INTS3: variants seen among roughly 807,000 people sequenced by gnomAD.
INTS3 encodes integrator complex subunit 3, also known as SOSS complex subunit A.
In INTS3, 34 loss-of-function variants were observed where a neutral mutation model predicts 146.3. The ratio of observed to expected loss-of-function variants is 0.23; its 90% CI spans 0.18 to 0.31. The LOEUF (loss-of-function observed/expected upper bound fraction) is 0.31, where lower values mean the gene tolerates loss of function less well. Among genes scored for constraint, INTS3 ranks in the 10% least tolerant of loss-of-function variants. The pLI, the probability that INTS3 is intolerant of heterozygous loss-of-function variation, is 1.00. For synonymous variants in INTS3, 475 were observed against 494.9 expected (o/e 0.96, Z 0.53); for missense variants, 757 against 1,304.2 (o/e 0.58, Z 6.46).
At chr1:153,744,994 C>T (rs575933873) in intron 3 of INTS3, among the ~76,000 whole-genome samples, 1 of 151,976 alleles carries the variant, frequency 6.6e-6, no homozygotes, top group East Asian at 1.9e-4. Context: ...TTTAAGCTCT[C>T]CATGCCTATT....
chr1:153,764,622 A>C, intron 18 of INTS3, 68 bp from the exon 19 acceptor site: 1 of 1,166,066 alleles, frequency 8.6e-7, no homozygotes, highest in Non-Finnish European at 1.3e-6. Context: ...TCTAGCCTCC[A>C]GCTGGTCCTC....
chr1:153,764,891 A>G, intron 19 of INTS3, 53 bp from the exon 20 acceptor site: 1 of 1,611,848 alleles, frequency 6.2e-7, no homozygotes, highest in Non-Finnish European at 8.5e-7. Flanking sequence ...ACTCCATGGG[A>G]GAGTCTGCCC....
rs928846256 is a variant in INTS3, at chr1:153,749,576, C to T, written c.584+821C>T. Reference sequence around the variant, plus strand: ...CCCAGGTCTGAGAGCCCTGCCCTGTCTGCTGTGCAGTGCCACCTAGTGCTC... The same window carrying T: ...CCCAGGTCTGAGAGCCCTGCCCTGTTTGCTGTGCAGTGCCACCTAGTGCTC... On this transcript the variant is annotated intron_variant, in intron 6 of 29. Coordinates refer to ENST00000318967, the MANE Select transcript of INTS3 (RefSeq NM_023015.5). Among the ~76,000 whole-genome samples the T allele has an allele frequency of 3.9e-5, 6 of 152,348 alleles. No individual in the cohort carries two copies. In the South Asian group the frequency reaches 1.2e-3, roughly 32 times the overall value.
At chr1:153,732,457 T>A (rs1671106440) in intron 1 of INTS3, among the ~76,000 whole-genome samples, 1 of 152,062 alleles carries the variant, frequency 6.6e-6, no homozygotes, top group Non-Finnish European at 1.5e-5. Context: ...ATTTTTTTTT[T>A]TTTTTTAAAC....
At chr1:153,731,072 G>C (rs1377427304) in intron 1 of INTS3, among the ~76,000 whole-genome samples, 1 of 152,052 alleles carries the variant, frequency 6.6e-6, no homozygotes, top group Non-Finnish European at 1.5e-5. Flanking sequence ...GACCATATAT[G>C]CTTACTGTGT....
In INTS3 at chr1:153,771,802, C is replaced by T. The variant is rs770825331; in HGVS notation, c.2559C>T (p.Ser853=). ...TGCCCCCTTCCTCCCCCAGGCCCAGCGAGGAGATGGTGAAGATGGTGCTGA... is the reference window on the plus strand; with the variant it reads ...TGCCCCCTTCCTCCCCCAGGCCCAGTGAGGAGATGGTGAAGATGGTGCTGA... ...LLLQLRREKP[S]EEMVKMVLSR... is the part of the protein sequence containing the mutation. Residue 853 remains serine (S), a synonymous_variant, in exon 26 of 30, where the codon AGC becomes AGT. Coordinates refer to ENST00000318967, the MANE Select transcript of INTS3 (RefSeq NM_023015.5). 6.2e-6 allele frequency: 10 copies of T among 1,610,940 alleles called. No homozygotes were observed. The East Asian group carries it at 8.9e-5, about 14-fold the overall frequency.
At chr1:153,751,406 A>G (rs1671952942) in intron 7 of INTS3, among the ~76,000 whole-genome samples, 167 bp downstream of exon 7, 1 of 152,156 alleles carries the variant, frequency 6.6e-6, no homozygotes, top group African/African-American at 2.4e-5. Context: ...AGGGGGAGTT[A>G]GTGTAAAATA....
rs138825529 is a variant in INTS3 at position 153,764,995 on chromosome 1, C to T, written c.2022C>T (p.Asp674=). ...ACAGCAGCTTCTCTCTACTTCTAGA[C>T]CTTCTCTCCGAGCTATATCAGAAGC... ...EDNSSFSLLL[D]LLSELYQKQP... is the part of the protein sequence containing the mutation. Residue 674 remains aspartate (D), a synonymous_variant, in exon 20 of 30, where the codon GAC becomes GAT. Coordinates refer to ENST00000318967, the MANE Select transcript of INTS3 (RefSeq NM_023015.5). 13 of 1,614,054 alleles carry T rather than the reference C, an allele frequency of 8.1e-6. No individual in the cohort carries two copies. The highest frequency in any genetic ancestry group is 1.0e-5 in the Non-Finnish European group (12 of 1,179,904).
intron 3 of INTS3, among the ~76,000 whole-genome samples, chr1:153,745,046 A>G (rs1671673520): frequency 6.6e-6 from 1 of 152,110 alleles, no homozygotes; most frequent in African/African-American, 2.4e-5. Flanking sequence ...GTACTATTTT[A>G]AAAGGTTGTT....
intron 22 of INTS3, 46 bp from the exon 23 acceptor site, chr1:153,769,723 C>T (rs777586852): frequency 7.5e-7 from 1 of 1,326,608 alleles, no homozygotes; most frequent in Non-Finnish European, 1.1e-6. Flanking sequence ...GCTTCCTGGC[C>T]CCTTTCAGAG....
At chr1:153,748,907 G>T (rs1247483292) in intron 6 of INTS3, 152 bp downstream of exon 6, 2 of 696,862 alleles carry the variant, frequency 2.9e-6, no homozygotes, top group Non-Finnish European at 5.1e-6. Context: ...TGTATTGTTG[G>T]CAAGTGAAGA....
intron 1 of INTS3, among the ~76,000 whole-genome samples, chr1:153,733,827 TCTC>T (rs1268860990): frequency 6.6e-6 from 1 of 151,000 alleles, no homozygotes; most frequent in Non-Finnish European, 1.5e-5. Context: ...CTGCTCTCGA[TCTC>T]CTAACCTCGT....
At chr1:153,746,350 G>T (rs972866233) in intron 3 of INTS3, among the ~76,000 whole-genome samples, 1 of 152,168 alleles carries the variant, frequency 6.6e-6, no homozygotes, top group Non-Finnish European at 1.5e-5. Context: ...TGGGAAGTGG[G>T]GGGGACAGGG....
chr1:153,764,832 G>C, intron 19 of INTS3, 98 bp downstream of exon 19: 1 of 1,541,152 alleles, frequency 6.5e-7, no homozygotes, highest in African/African-American at 1.4e-5. Flanking sequence ...TCGCTTTCCA[G>C]GGAGGAGGAC....
At position 153,773,232 on chromosome 1, in the gene INTS3, C is replaced by G; in HGVS notation, c.3091C>G (p.Arg1031Gly). 6.2e-7 allele frequency: 1 copy of G among 1,614,092 alleles called. No individual in the cohort carries two copies. The highest frequency in any genetic ancestry group is 8.5e-7 in the Non-Finnish European group (1 of 1,180,030). Residue 1031 changes from arginine (R) to glycine (G), a missense_variant, in exon 30 of 30, where the codon CGA becomes GGA. Arg to Gly is a moderately radical substitution (Grantham distance 125). Around this residue, in one of 8 missense-constraint regions of INTS3, gnomAD observed 125 missense variants for 165.6 expected, o/e 0.75. Transcript: ENST00000318967. Reference sequence around the variant, plus strand: ...GAAACCGAAGCCTACCAAGCGGAAACGAAAAGGGTCCTCTGCAGTGGGCTC... The same window carrying G: ...GAAACCGAAGCCTACCAAGCGGAAAGGAAAAGGGTCCTCTGCAGTGGGCTC... ...DTKPKPTKRK[R>G]KGSSAVGSDS...
chr1:153,729,342 G>A (rs2101766315), intron 1 of INTS3, among the ~76,000 whole-genome samples: 1 of 152,326 alleles, frequency 6.6e-6, no homozygotes, highest in Admixed American at 6.5e-5. Context: ...CTGTAGTGGG[G>A]TGAATGGTAC....
intron 1 of INTS3, among the ~76,000 whole-genome samples, chr1:153,738,174 C>T (rs1557989310): frequency 6.6e-6 from 1 of 152,180 alleles, no homozygotes; most frequent in Non-Finnish European, 1.5e-5. Context: ...TCATAGCTCA[C>T]TATAGCCTTG....
intron 23 of INTS3, 71 bp from the exon 24 acceptor site, chr1:153,770,127 T>TGG (rs371912410): frequency 7.7e-5 from 23 of 299,336 alleles, no homozygotes; most frequent in South Asian, 4.9e-4. Context: ...GATGGGGGGG[T>TGG]GGGGGGGGTG....
intron 8 of INTS3, 107 bp from the exon 9 acceptor site, chr1:153,754,535 G>C: frequency 1.2e-6 from 1 of 804,038 alleles, no homozygotes; most frequent in Non-Finnish European, 2.2e-6. Context: ...ATTTCTCCGT[G>C]AGCAAGACTA....
Sources: allele counts gnomAD v4.1 joint callset (sites outside exome capture counted in the v4.1 genomes callset), GRCh38; gene constraint gnomAD v4.1.1; regional missense constraint gnomAD v4.1.1; transcripts MANE v1.5; gene names NCBI Gene and HGNC (gene_info 2026-07-23, HGNC 2026-07-21).